AFAP1L2: variants seen among roughly 807,000 people sequenced by gnomAD.
The protein encoded by AFAP1L2 is actin filament associated protein 1 like 2, also known as actin filament-associated protein 1-like 2.
AFAP1L2 carries 46 observed loss-of-function variants against 99.3 expected under a neutral mutation model. That is an observed-to-expected ratio of 0.46 (90% CI 0.37 to 0.59). The LOEUF (loss-of-function observed/expected upper bound fraction) is 0.59. Among genes scored for constraint, AFAP1L2 ranks in the 20% least tolerant of loss-of-function variants. AFAP1L2 has a pLI of 0.00. For synonymous variants in AFAP1L2, 397 were observed against 419.1 expected (o/e 0.95, Z 0.64); for missense variants, 959 against 1,034.9 (o/e 0.93, Z 1.01).
intron 1 of AFAP1L2, among the ~76,000 whole-genome samples, chr10:114,354,501 C>A (rs2136301780): frequency 6.6e-6 from 1 of 152,158 alleles, no homozygotes; most frequent in Non-Finnish European, 1.5e-5. Flanking sequence ...AGGACCTATC[C>A]CATATGGTTC....
intron 17 of AFAP1L2, 51 bp from the exon 18 acceptor site, chr10:114,297,151 A>ACC: frequency 8.6e-7 from 1 of 1,164,728 alleles, no homozygotes; most frequent in Non-Finnish European, 1.2e-6. Flanking sequence ...GGGAGATGTG[A>ACC]CCCACCCACC....
At chr10:114,294,592 T>C (rs2039903527), downstream of AFAP1L2, among the ~76,000 whole-genome samples, 1 of 152,342 alleles carries the variant, frequency 6.6e-6, no homozygotes, top group South Asian at 2.1e-4. Context: ...AGTACTGATT[T>C]TTCATTCACT....
downstream of AFAP1L2, among the ~76,000 whole-genome samples, chr10:114,294,111 C>G (rs781738964): frequency 9.9e-5 from 15 of 152,016 alleles, no homozygotes; most frequent in Non-Finnish European, 1.5e-4. Flanking sequence ...ATTGAACAAC[C>G]CTTGATTTTT....
Position 114,310,425 on chromosome 10 carries a change from C to T in AFAP1L2, c.811G>A (p.Gly271Ser), listed in dbSNP as rs140344453. The change falls in exon 8 of 19, where the codon GGC (glycine) becomes AGC (serine). Residue 271 changes from glycine (G) to serine (S), a missense_variant. Gly to Ser is a moderately conservative substitution (Grantham distance 56, BLOSUM62 0). Around this residue, in one of 2 missense-constraint regions of AFAP1L2, gnomAD observed 383 missense variants for 472.8 expected, o/e 0.81. Coordinates refer to ENST00000304129, the MANE Select transcript of AFAP1L2 (RefSeq NM_001001936.3). ...TCAGATGCTCCTTCGGAAGGCAGGC[C>T]GCTCACTTCCTGGATGACCTGAGGC... ...QWLRVIQEVS[G>S]LPSEGASEGN... 1.4e-5 allele frequency: 23 copies of T among 1,613,884 alleles called. No homozygotes were observed. The highest frequency in any genetic ancestry group is 2.2e-5 in the East Asian group (1 of 44,858).
intron 1 of AFAP1L2, among the ~76,000 whole-genome samples, chr10:114,383,902 C>A (rs1041504373): frequency 7.9e-5 from 12 of 152,162 alleles, no homozygotes; most frequent in Non-Finnish European, 1.6e-4. Context: ...CTTCCTAAAC[C>A]CTCAGTCCAT....
chr10:114,347,800 CT>C (rs1031709522), intron 1 of AFAP1L2, among the ~76,000 whole-genome samples: 1 of 151,590 alleles, frequency 6.6e-6, no homozygotes, highest in African/African-American at 2.4e-5. Context: ...ACCCAGCCTT[CT>C]TTTTTTTTGT....
intron 1 of AFAP1L2, among the ~76,000 whole-genome samples, chr10:114,380,042 T>C (rs2055398121): frequency 6.6e-6 from 1 of 152,234 alleles, no homozygotes; most frequent in Admixed American, 6.5e-5. Context: ...TTACACAGTC[T>C]GAGAAGAGAA....
chr10:114,371,666 G>A (rs541241), intron 1 of AFAP1L2, among the ~76,000 whole-genome samples: 3 of 152,024 alleles, frequency 2.0e-5, no homozygotes, highest in Non-Finnish European at 4.4e-5. Flanking sequence ...GTTGTGGGGT[G>A]GGGGGCTAGG....
At chr10:114,404,335 G>C (rs555546530) in intron 1 of AFAP1L2, 105 bp downstream of exon 1, 1 of 1,294,552 alleles carries the variant, frequency 7.7e-7, no homozygotes, top group Non-Finnish European at 1.1e-6. Context: ...GGGGCAGTGG[G>C]CTCTGCTTAT....
At chr10:114,398,795 G>C (rs915327669) in intron 1 of AFAP1L2, 1 of 1,298,200 alleles carries the variant, frequency 7.7e-7, no homozygotes, top group Non-Finnish European at 1.0e-6. Context: ...TGCACCCTCG[G>C]GAGCCCTGGA....
upstream of AFAP1L2, chr10:114,404,569 G>C (rs916677850): frequency 7.4e-7 from 1 of 1,354,894 alleles, no homozygotes; most frequent in South Asian, 1.8e-5. Context: ...GCTCGCGGCC[G>C]GACCTCCTGG....
In AFAP1L2 at chr10:114,300,438, C is replaced by A; in HGVS notation, c.1788+7G>T. 4 of 1,598,220 alleles carry A rather than the reference C, an allele frequency of 2.5e-6. No homozygotes were observed. The highest frequency in any genetic ancestry group is 3.4e-6 in the Non-Finnish European group (4 of 1,172,250). ...TGGTCTTGCTGTCCTGCAGGGGAGG[C>A]CTGTACCTGTTCTCCCAGGTTCTCT... On this transcript the variant is annotated splice_region_variant and intron_variant, in intron 14 of 18. Transcript: ENST00000304129.
the AFAP1L2 span, chr10:114,289,365 C>A: frequency 6.2e-7 from 1 of 1,614,212 alleles, no homozygotes; most frequent in Non-Finnish European, 8.5e-7. Flanking sequence ...TGGTCGTGGG[C>A]GTGGGGCCTG....
chr10:114,296,840 G>T, intron 18 of AFAP1L2, 138 bp downstream of exon 18: 1 of 1,434,548 alleles, frequency 7.0e-7, no homozygotes, highest in South Asian at 1.3e-5. Context: ...GCAAAGCCAT[G>T]GCCACTCCTT....
rs757594696 is a variant in AFAP1L2, at chr10:114,315,677, C to A, written c.495G>T (p.Ser165=). The A allele has an allele frequency of 2.9e-5, 47 of 1,613,714 alleles. No homozygotes were observed. Among genetic ancestry groups the A allele is most frequent in the Non-Finnish European group, 3.6e-5 (42 of 1,179,992 alleles). The stretch of plus-strand genomic sequence containing the variant: ...GCATCAGCTCGATGCCGGCCTCCGG[C>A]GAGGGCCACTGGTAAGGGGCCGACT... ...KGKSAPYQWP[S]PEAGIELMRD... The change falls in exon 6 of 19, where the codon TCG becomes TCT. Residue 165 remains serine (S), a synonymous_variant. Transcript: ENST00000304129.
At chr10:114,331,151 A>ATT (rs113073880) in intron 4 of AFAP1L2, among the ~76,000 whole-genome samples, 1 of 149,040 alleles carries the variant, frequency 6.7e-6, no homozygotes, top group Non-Finnish European at 1.5e-5. Context: ...AAGGAACGGG[A>ATT]TTTTTTTTTT....
the AFAP1L2 span, among the ~76,000 whole-genome samples, chr10:114,285,387 C>G: frequency 1.3e-5 from 2 of 152,246 alleles, no homozygotes; most frequent in African/African-American, 4.8e-5. Context: ...CTTTACCTCA[C>G]TGGGTGGTTG....
At chr10:114,360,506 T>G (rs1244356100) in intron 1 of AFAP1L2, among the ~76,000 whole-genome samples, 1 of 93,092 alleles carries the variant, frequency 1.1e-5, no homozygotes, top group Non-Finnish European at 2.4e-5. Flanking sequence ...GATAGATAGA[T>G]AGTTAGATAG....
At chr10:114,372,648 C>T (rs1243158830) in intron 1 of AFAP1L2, among the ~76,000 whole-genome samples, 1 of 151,304 alleles carries the variant, frequency 6.6e-6, no homozygotes, top group African/African-American at 2.4e-5. Context: ...AATATATATA[C>T]ACATATATGT....
Sources: gnomAD v4.1 joint callset for allele counts (sites outside exome capture counted in the v4.1 genomes callset) on GRCh38, gnomAD v4.1.1 for gene constraint, gnomAD v4.1.1 regional missense constraint, MANE v1.5 for transcripts, NCBI Gene and HGNC (gene_info 2026-07-23, HGNC 2026-07-21) for gene names.